Variants in CAMTA1 observed in about 807,000 individuals in gnomAD.
CAMTA1 encodes calmodulin binding transcription activator 1, also known as calmodulin-binding transcription activator 1.
A neutral mutation model predicts 170.9 loss-of-function variants in CAMTA1; 27 were observed. The ratio of observed to expected loss-of-function variants is 0.16; its 90% confidence interval spans 0.12 to 0.22. The LOEUF (loss-of-function observed/expected upper bound fraction) is 0.22. Among genes scored for constraint, CAMTA1 ranks in the 10% least tolerant of loss-of-function variants. The pLI is 1.00. For synonymous variants in CAMTA1, 833 were observed against 891.5 expected (o/e 0.93, Z 1.17); for missense variants, 1,619 against 2,217.2 (o/e 0.73, Z 5.42).
intron 4 of CAMTA1, among the ~76,000 whole-genome samples, chr1:7,122,399 G>A (rs1644696357): frequency 6.6e-6 from 1 of 152,076 alleles, no homozygotes; most frequent in African/African-American, 2.4e-5. Context: ...TGAAATGTAA[G>A]GAGTGTGCAT....
chr1:6,920,975 A>T (rs1681881818), intron 3 of CAMTA1, among the ~76,000 whole-genome samples: 2 of 152,130 alleles, frequency 1.3e-5, no homozygotes. Context: ...CATTTTCCCC[A>T]TTGTCTTGGG....
At chr1:7,279,215 C>T (rs1671161821) in intron 5 of CAMTA1, among the ~76,000 whole-genome samples, 1 of 152,196 alleles carries the variant, frequency 6.6e-6, no homozygotes, top group South Asian at 2.1e-4. Context: ...AGCTTGTAAG[C>T]AGGGCAGTGT....
At chr1:7,310,322 A>G in intron 5 of CAMTA1, among the ~76,000 whole-genome samples, 1 of 152,232 alleles carries the variant, frequency 6.6e-6, no homozygotes, top group East Asian at 1.9e-4. Context: ...TATGGGGTCA[A>G]TAACTTTTTT....
chr1:7,524,133 C>G (rs568266903), intron 6 of CAMTA1, among the ~76,000 whole-genome samples: 3 of 152,130 alleles, frequency 2.0e-5, no homozygotes, highest in African/African-American at 7.2e-5. Flanking sequence ...ACCTGGGAGG[C>G]AGAGATTGCA....
chr1:7,416,902 G>T (rs2091215557), intron 5 of CAMTA1, among the ~76,000 whole-genome samples: 1 of 152,060 alleles, frequency 6.6e-6, no homozygotes, highest in African/African-American at 2.4e-5. Flanking sequence ...ATCTACTTTT[G>T]GTCTTTGATG....
chr1:6,796,630 G>C (rs937518729), intron 1 of CAMTA1, among the ~76,000 whole-genome samples: 1 of 152,000 alleles, frequency 6.6e-6, no homozygotes, highest in Admixed American at 6.6e-5. Context: ...TTTATTTTAA[G>C]ATATTATTAT....
chr1:7,183,501 C>T (rs903948177), intron 4 of CAMTA1, among the ~76,000 whole-genome samples: 2 of 152,206 alleles, frequency 1.3e-5, no homozygotes, highest in Non-Finnish European at 2.9e-5. Context: ...TGAACATCCC[C>T]ACCCACAAGG....
intron 3 of CAMTA1, among the ~76,000 whole-genome samples, chr1:7,078,695 C>G (rs1349259659): frequency 6.6e-6 from 1 of 152,156 alleles, no homozygotes; most frequent in Non-Finnish European, 1.5e-5. Context: ...TGGATAAAAC[C>G]TGTGAAATAA....
chr1:7,135,573 A>G (rs1205786870), intron 4 of CAMTA1, among the ~76,000 whole-genome samples: 1 of 151,474 alleles, frequency 6.6e-6, no homozygotes, highest in South Asian at 2.1e-4. Context: ...TCTTCCTCCC[A>G]CCTCTTTTTC....
intron 3 of CAMTA1, among the ~76,000 whole-genome samples, chr1:7,052,893 C>T (rs932138166): frequency 2.6e-5 from 4 of 152,230 alleles, no homozygotes; most frequent in Admixed American, 2.6e-4. Context: ...TCTTATCCCT[C>T]CTCCACCCTG....
chr1:6,894,043 C>T (rs1675132374), intron 3 of CAMTA1, among the ~76,000 whole-genome samples: 2 of 152,168 alleles, frequency 1.3e-5, no homozygotes, highest in African/African-American at 4.8e-5. Flanking sequence ...GATTTAAATG[C>T]TGAAAATGAA....
At chr1:7,363,781 G>A (rs187991781) in intron 5 of CAMTA1, among the ~76,000 whole-genome samples, 62 of 152,304 alleles carry the variant, frequency 4.1e-4, no homozygotes, top group African/African-American at 1.3e-3. Flanking sequence ...TGGCAGCGCT[G>A]TGGTTAGCTG....
At chr1:7,194,466 G>A (rs967750086) in intron 4 of CAMTA1, among the ~76,000 whole-genome samples, 4 of 152,106 alleles carry the variant, frequency 2.6e-5, no homozygotes, top group Middle Eastern at 3.4e-3. Context: ...ATCATTGAAC[G>A]AGGTCCTTTC....
chr1:7,021,367 A>G (rs1701317304), intron 3 of CAMTA1, among the ~76,000 whole-genome samples: 1 of 152,156 alleles, frequency 6.6e-6, no homozygotes, highest in Admixed American at 6.5e-5. Context: ...CCCCGGGGGA[A>G]TGCACAGATG....
At chr1:7,230,733 A>C (rs1482859877) in intron 4 of CAMTA1, among the ~76,000 whole-genome samples, 3 of 152,208 alleles carry the variant, frequency 2.0e-5, no homozygotes, top group Non-Finnish European at 2.9e-5. Context: ...GGTGAAGAGC[A>C]GCCAGGCAGG....
intron 4 of CAMTA1, among the ~76,000 whole-genome samples, chr1:7,150,737 C>T (rs981832044): frequency 1.3e-5 from 2 of 152,130 alleles, no homozygotes; most frequent in Non-Finnish European, 2.9e-5. Context: ...ACGCGCAGGA[C>T]GTGGAACCCT....
chr1:7,663,246 G>T, intron 8 of CAMTA1, 107 bp from the exon 9 acceptor site: 3 of 1,417,196 alleles, frequency 2.1e-6, no homozygotes, highest in Non-Finnish European at 2.8e-6. Context: ...AGCCGCTGTG[G>T]GGCAGGTCCA....
intron 6 of CAMTA1, among the ~76,000 whole-genome samples, chr1:7,528,578 C>T (rs1265423910): frequency 6.6e-6 from 1 of 151,962 alleles, no homozygotes; most frequent in African/African-American, 2.4e-5. Flanking sequence ...GCATTGGTCT[C>T]GGGGAGGAGC....
chr1:7,747,416 T>C (rs912061839), intron 18 of CAMTA1, among the ~76,000 whole-genome samples: 13 of 152,356 alleles, frequency 8.5e-5, no homozygotes, highest in African/African-American at 3.1e-4. Flanking sequence ...TTAGGAAAGA[T>C]AGTTGAGATC....
Sources: gnomAD v4.1 joint callset for allele counts (sites outside exome capture counted in the v4.1 genomes callset) on GRCh38, gnomAD v4.1.1 for gene constraint, MANE v1.5 for transcripts, NCBI Gene and HGNC (gene_info 2026-07-23, HGNC 2026-07-21) for gene names.